Variants in PNMA8A observed in about 807,000 individuals in gnomAD.
PNMA8A encodes PNMA family member 8A, also known as paraneoplastic antigen-like protein 8A.
A neutral mutation model predicts 26.6 loss-of-function variants in PNMA8A; 17 were observed. The observed-to-expected ratio is 0.64, with a 90% CI of 0.44 to 0.96. PNMA8A has a LOEUF of 0.96. Ranked by LOEUF, PNMA8A falls within the 40% of genes least tolerant of loss-of-function variation. The pLI, the probability that PNMA8A is intolerant of heterozygous loss-of-function variation, is 0.00. For missense variants in PNMA8A, 532 were observed against 488.4 expected, an observed-to-expected ratio of 1.09 and a Z score of -0.84; for synonymous variants, 224 against 182.0, an observed-to-expected ratio of 1.23 and a Z score of -1.86.
Position 46,469,144 on chromosome 19 carries a change from C to T in PNMA8A, c.1304-567G>A, listed in dbSNP as rs558822211. On this transcript the variant is annotated intron_variant, in intron 2 of 2. Coordinates refer to ENST00000313683, the MANE Select transcript of PNMA8A (RefSeq NM_018215.4). ...TTTTTGGAGACAAGAGTCTCACTCT[C>T]GTCACCCAGGCTGGAGGGCAGTGGC... Among the ~76,000 whole-genome samples, 125 of 133,822 alleles carry T rather than the reference C, an allele frequency of 9.3e-4. 1 individual carries two copies. Among genetic ancestry groups the T allele is most frequent in the African/African-American group, 3.5e-3 (121 of 35,062 alleles). The allele number at this position is 133,822 out of a possible 152,430, so 87.8% of individuals were successfully genotyped here.
chr19:46,466,508 T>C lies in PNMA8A; in HGVS notation c.*2053A>G, dbSNP rs1329564110. Reference sequence around the variant, plus strand: ...CAAGAGACTTAACAGGACACTTAATTTGCTAAACTTTATTTTATACATACA... The same window carrying C: ...CAAGAGACTTAACAGGACACTTAATCTGCTAAACTTTATTTTATACATACA... On this transcript the variant is annotated 3_prime_UTR_variant, in exon 3 of 3. Transcript: ENST00000313683. The C allele has an allele frequency of 6.6e-6, 1 of 152,142 alleles. No individual in the cohort carries two copies. Among genetic ancestry groups the C allele is most frequent in the African/African-American group, 2.4e-5 (1 of 41,430 alleles). 9.4% of individuals were successfully genotyped at this position (152,142 alleles called of 1,614,324 possible). A position where few individuals can be genotyped will look rare whatever the true frequency, so the allele number is the denominator to read the frequency against.
Position 46,470,537 on chromosome 19 carries a change from C to T in PNMA8A, c.499G>A (p.Glu167Lys), listed in dbSNP as rs377405740. The T allele has an allele frequency of 8.7e-6, 14 of 1,613,928 alleles. No individual in the cohort carries two copies. The highest frequency in any genetic ancestry group is 1.3e-5 in the African/African-American group (1 of 74,936). Residue 167 changes from glutamate (E) to lysine (K), a missense_variant, in exon 2 of 3, where the codon GAG (glutamate) becomes AAG (lysine). Glu to Lys is a moderately conservative substitution (Grantham distance 56). Coordinates refer to ENST00000313683, the MANE Select transcript of PNMA8A (RefSeq NM_018215.4). Reference sequence around the variant, plus strand: ...CTGGCTTCCTCCCGGCTGCGGATCTCGGCATCCATGCAGAAGATGATCTGC... The same window carrying T: ...CTGGCTTCCTCCCGGCTGCGGATCTTGGCATCCATGCAGAAGATGATCTGC... ...VVQIIFCMDA[E>K]IRSREEARAQ...
Position 46,468,751 on chromosome 19 carries a change from A to C in PNMA8A, c.1304-174T>G, listed in dbSNP as rs74798198. Among the ~76,000 whole-genome samples the C allele has an allele frequency of 5.7e-3, 860 of 152,096 alleles. 10 individuals carry two copies. The highest frequency in any genetic ancestry group is 0.02 in the African/African-American group (810 of 41,496). On this transcript the variant is annotated intron_variant, in intron 2 of 2. Transcript: ENST00000313683. ...GCAAACACCATAACTCCAAAGTATT[A>C]ATATTTTTTTTGGGGGGAGGGGGGA...
At position 46,468,396 on chromosome 19, in the gene PNMA8A, C is replaced by A; in HGVS notation, c.*165G>T. ...ATAGAGATCCACCTCCCTTCCCCAA[C>A]TCCCTCCCACCCAAGACCTCACCTA... On this transcript the variant is annotated 3_prime_UTR_variant, in exon 3 of 3. Transcript: ENST00000313683. 40 of 536,884 alleles carry A rather than the reference C, an allele frequency of 7.5e-5. No homozygotes were observed. The highest frequency in any genetic ancestry group is 7.6e-5 in the Non-Finnish European group (22 of 290,518). The allele number at this position is 536,884 out of a possible 1,614,324, so 33.3% of individuals were successfully genotyped here.
intron 1 of PNMA8A, 87 bp downstream of exon 1, chr19:46,471,250 G>A (rs1568608314): frequency 2.1e-6 from 1 of 485,558 alleles, no homozygotes; most frequent in African/African-American, 1.9e-5. Flanking sequence ...CCAGGCCCCG[G>A]TGCTCACACG....
rs535349458 is a variant in PNMA8A at position 46,470,490 on chromosome 19, G to A, written c.546C>T (p.Phe182=). 2 of 1,613,782 alleles carry A rather than the reference G, an allele frequency of 1.2e-6. No homozygotes were observed. The highest frequency in any genetic ancestry group is 1.7e-6 in the Non-Finnish European group (2 of 1,179,990). The change falls in exon 2 of 3, where the codon TTC becomes TTT. Residue 182 remains phenylalanine (F), a synonymous_variant. Coordinates refer to ENST00000313683, the MANE Select transcript of PNMA8A (RefSeq NM_018215.4). ...CTAAAGCCCAGGCTGCCATCTCCTCGAATTCAGCGGCCTCCTGGGCCCTGG... is the reference window on the plus strand; with the variant it reads ...CTAAAGCCCAGGCTGCCATCTCCTCAAATTCAGCGGCCTCCTGGGCCCTGG... ...EEARAQEAAE[F]EEMAAWALAA...
chr19:46,469,721 T>G lies in PNMA8A; in HGVS notation c.1303+12A>C, dbSNP rs1412002947. 1 of 1,593,290 alleles carries G rather than the reference T, an allele frequency of 6.3e-7. No homozygotes were observed. ...CTGGCACGAGCCCAGTCACTTCTGC[T>G]ATCATTCTCACCATTGGTGGCACGC... On this transcript the variant is annotated intron_variant, in intron 2 of 2. Coordinates refer to ENST00000313683, the MANE Select transcript of PNMA8A (RefSeq NM_018215.4).
rs1969717667 is a variant in PNMA8A, at chr19:46,467,182, G to A, written c.*1379C>T. On this transcript the variant is annotated 3_prime_UTR_variant, in exon 3 of 3. Coordinates refer to ENST00000313683, the MANE Select transcript of PNMA8A (RefSeq NM_018215.4). ...AGGTAATATTCTGATAGTCTTCGAT[G>A]TGACTTCCAACATATCTGAGTAGTC... 6.6e-6 allele frequency: 1 copy of A among 152,234 alleles called. No homozygotes were observed. The highest frequency in any genetic ancestry group is 1.5e-5 in the Non-Finnish European group (1 of 68,040). The allele number at this position is 152,234 out of a possible 1,614,324, so 9.4% of individuals were successfully genotyped here.
chr19:46,469,657 C>T (rs1969754091), intron 2 of PNMA8A, 76 bp downstream of exon 2: 4 of 1,461,278 alleles, frequency 2.7e-6, no homozygotes, highest in Non-Finnish European at 3.6e-6. Flanking sequence ...GCTCCTCTGC[C>T]CCACCTGCCA....
chr19:46,469,550 C>T (rs921384811), intron 2 of PNMA8A, among the ~76,000 whole-genome samples, 183 bp downstream of exon 2: 11 of 152,104 alleles, frequency 7.2e-5, no homozygotes, highest in African/African-American at 1.7e-4. Flanking sequence ...CCTGGAAGGG[C>T]GGTCTGGGCT....
rs2147462107 is a variant in PNMA8A at position 46,467,009 on chromosome 19, T to G, written c.*1552A>C. The G allele has an allele frequency of 6.6e-6, 1 of 152,328 alleles. No individual in the cohort carries two copies. Among genetic ancestry groups the G allele is most frequent in the Middle Eastern group, 3.4e-3 (1 of 294 alleles). The allele number at this position is 152,328 out of a possible 1,614,324, so 9.4% of individuals were successfully genotyped here. On this transcript the variant is annotated 3_prime_UTR_variant, in exon 3 of 3. Coordinates refer to ENST00000313683, the MANE Select transcript of PNMA8A (RefSeq NM_018215.4). ...GTGAATGACGAAAGGAAACTTGCTTTCAGGGTGTCAGATTATAGAACATGC... is the reference window on the plus strand; with the variant it reads ...GTGAATGACGAAAGGAAACTTGCTTGCAGGGTGTCAGATTATAGAACATGC...
At position 46,469,730 on chromosome 19, in the gene PNMA8A, CA is replaced by C. The variant is rs769670111; in HGVS notation, c.1303+2del. The C allele has an allele frequency of 2.5e-6, 4 of 1,599,352 alleles. No individual in the cohort carries two copies. The Admixed American group carries it at 7.0e-5, about 28-fold the overall frequency. On this transcript the variant is annotated splice_donor_variant, in intron 2 of 2. Transcript: ENST00000313683. LOFTEE classifies it high-confidence loss of function. ...GCCCAGTCACTTCTGCTATCATTCT[CA>C]CCATTGGTGGCACGCCGAGGAGAGC...
Position 46,470,496 on chromosome 19 carries a change from A to C in PNMA8A, c.540T>G (p.Ala180=). The C allele has an allele frequency of 6.2e-7, 1 of 1,614,046 alleles. No homozygotes were observed. Among genetic ancestry groups the C allele is most frequent in the Middle Eastern group, 1.6e-4 (1 of 6,062 alleles). Residue 180 remains alanine (A), a synonymous_variant, in exon 2 of 3, where the codon GCT becomes GCG. Transcript: ENST00000313683. ...CCCAGGCTGCCATCTCCTCGAATTC[A>C]GCGGCCTCCTGGGCCCTGGCTTCCT... ...SREEARAQEA[A]EFEEMAAWAL...
chr19:46,468,594 G>T lies in PNMA8A; in HGVS notation c.1304-17C>A. On this transcript the variant is annotated splice_polypyrimidine_tract_variant and intron_variant, in intron 2 of 2. Transcript: ENST00000313683. Reference sequence around the variant, plus strand: ...TTCTGGATTCTGCAAATAAATGAGAGAACAGATCAAGAAGGGAAGCAGAGA... The same window carrying T: ...TTCTGGATTCTGCAAATAAATGAGATAACAGATCAAGAAGGGAAGCAGAGA... 1 of 1,608,208 alleles carries T rather than the reference G, an allele frequency of 6.2e-7. No homozygotes were observed.
Position 46,470,590 on chromosome 19 carries a change from G to T in PNMA8A, c.446C>A (p.Ala149Asp). Residue 149 changes from alanine to aspartate, a missense_variant, in exon 2 of 3, where the codon GCT becomes GAT. Coordinates refer to ENST00000313683, the MANE Select transcript of PNMA8A (RefSeq NM_018215.4). ...CACTGCTCCCAGAAGCACCCCCAGA[G>T]CTTCTGCCCAGTTCTCTGGGGGCTG... ...QHQPPENWAE[A>D]LGVLLGAVVQ... 1 of 1,614,072 alleles carries T rather than the reference G, an allele frequency of 6.2e-7. No individual in the cohort carries two copies. The highest frequency in any genetic ancestry group is 8.5e-7 in the Non-Finnish European group (1 of 1,179,986).
rs781095154 is a variant in PNMA8A at position 46,471,059 on chromosome 19, T to C, written c.-24A>G. 4.1e-6 allele frequency: 3 copies of C among 725,578 alleles called. No individual in the cohort carries two copies. The highest frequency in any genetic ancestry group is 2.5e-5 in the East Asian group (1 of 40,566). 44.9% of individuals were successfully genotyped at this position (725,578 alleles called of 1,614,324 possible). ...ATTTAGCGGCTCTGAACCTACTATGTGTAGTAAATAGTCTATCAGGTGGAC... is the reference window on the plus strand; with the variant it reads ...ATTTAGCGGCTCTGAACCTACTATGCGTAGTAAATAGTCTATCAGGTGGAC... On this transcript the variant is annotated 5_prime_UTR_variant, in exon 2 of 3. Coordinates refer to ENST00000313683, the MANE Select transcript of PNMA8A (RefSeq NM_018215.4).
rs1459913299 is a variant in PNMA8A, at chr19:46,470,730, C to G, written c.306G>C (p.Gln102His). 3 of 878,086 alleles carry G rather than the reference C, an allele frequency of 3.4e-6. No individual in the cohort carries two copies. In the African/African-American group the frequency reaches 4.9e-5, roughly 14 times the overall value. The allele number at this position is 878,086 out of a possible 1,614,324, so 54.4% of individuals were successfully genotyped here. The stretch of plus-strand genomic sequence containing the variant: ...TCAGATTTTTTAAAAACTCGGCATC[C>G]TGGGTAGGGTCTCTACAGACCACTC... ...VWRVVCRDPT[Q>H]DAEFLKNLNE... The change falls in exon 2 of 3, where the codon CAG (glutamine) becomes CAC (histidine). Residue 102 changes from glutamine (Q) to histidine (H), a missense_variant. Gln to His is a conservative substitution (Grantham distance 24, BLOSUM62 0). Coordinates refer to ENST00000313683, the MANE Select transcript of PNMA8A (RefSeq NM_018215.4).
Position 46,466,651 on chromosome 19 carries a change from C to G in PNMA8A, c.*1910G>C, listed in dbSNP as rs1244072279. 2.0e-5 allele frequency: 3 copies of G among 152,186 alleles called. No homozygotes were observed. The East Asian group carries it at 5.8e-4, about 29-fold the overall frequency. 9.4% of individuals were successfully genotyped at this position (152,186 alleles called of 1,614,324 possible). On this transcript the variant is annotated 3_prime_UTR_variant, in exon 3 of 3. Coordinates refer to ENST00000313683, the MANE Select transcript of PNMA8A (RefSeq NM_018215.4). ...TTGGTCTCTTCAAGAATCCAATTCACCCCTGGGTTTCGCTTGGCACACACC... is the reference window on the plus strand; with the variant it reads ...TTGGTCTCTTCAAGAATCCAATTCAGCCCTGGGTTTCGCTTGGCACACACC...
chr19:46,470,326 G>C lies in PNMA8A; in HGVS notation c.710C>G (p.Ala237Gly). The change falls in exon 2 of 3, where the codon GCT becomes GGT. Residue 237 changes from alanine (A) to glycine (G), a missense_variant. By Grantham distance (60) the Ala-to-Gly change is moderately conservative. Coordinates refer to ENST00000313683, the MANE Select transcript of PNMA8A (RefSeq NM_018215.4). ...PTKPLVRRAG[A>G]KSRSRRKKQK... The stretch of plus-strand genomic sequence containing the variant: ...CTTCTTTCTCCTGGAGCGAGACTTA[G>C]CTCCAGCCCTGCGAACCAAAGGTTT... 6.2e-7 allele frequency: 1 copy of C among 1,613,902 alleles called. No homozygotes were observed. Among genetic ancestry groups the C allele is most frequent in the East Asian group, 2.2e-5 (1 of 44,882 alleles).
Sources: allele counts gnomAD v4.1 joint callset (sites outside exome capture counted in the v4.1 genomes callset), GRCh38; gene constraint gnomAD v4.1.1; transcripts MANE v1.5; gene names NCBI Gene and HGNC (gene_info 2026-07-23, HGNC 2026-07-21).